Variants in GABRR2 observed in about 807,000 individuals in gnomAD.
The protein encoded by GABRR2 is gamma-aminobutyric acid receptor subunit rho-2.
GABRR2 carries 36 observed loss-of-function variants against 47.0 expected under a neutral mutation model. The ratio of observed to expected loss-of-function variants is 0.77; its 90% CI spans 0.59 to 1.01. The LOEUF is 1.01. Among genes scored for constraint, GABRR2 ranks in the 50% least tolerant of loss-of-function variants. GABRR2 has a pLI of 0.00. For synonymous variants in GABRR2, 204 were observed against 227.5 expected (o/e 0.90, Z 0.93); for missense variants, 587 against 594.6 (o/e 0.99, Z 0.13).
In GABRR2 at chr6:89,260,919, T is replaced by C. The variant is rs189924126; in HGVS notation, c.1087-2938A>G. 2.3e-3 allele frequency among the ~76,000 whole-genome samples: 345 copies of C among 152,350 alleles called. 1 individual carries two copies. Among genetic ancestry groups the C allele is most frequent in the Non-Finnish European group, 3.7e-3 (255 of 68,026 alleles). ...CAGATGGTGCCTTCTCACCTCTGTC[T>C]GCTCTCCAGCAACTATGCTTCTTGG... On this transcript the variant is annotated intron_variant, in intron 8 of 8. Transcript: ENST00000402938.
At chr6:89,282,308 C>T (rs1774265546) in intron 2 of GABRR2, among the ~76,000 whole-genome samples, 1 of 152,196 alleles carries the variant, frequency 6.6e-6, no homozygotes, top group South Asian at 2.1e-4. Context: ...TCTTCTTCCC[C>T]TACAGCTCCC....
chr6:89,312,774 C>T (rs901037344), intron 1 of GABRR2, among the ~76,000 whole-genome samples: 18 of 152,212 alleles, frequency 1.2e-4, no homozygotes, highest in African/African-American at 4.3e-4. Context: ...TGCAGAAAGG[C>T]CCAGAACCAC....
At chr6:89,309,932 C>T (rs1767651675) in intron 1 of GABRR2, among the ~76,000 whole-genome samples, 1 of 150,432 alleles carries the variant, frequency 6.6e-6, no homozygotes, top group East Asian at 2.0e-4. Context: ...GCACATGCCA[C>T]CGTGCCTGGC....
chr6:89,280,247 T>TATATATATATATATAC (rs1271132149), intron 2 of GABRR2, among the ~76,000 whole-genome samples: 230 of 101,120 alleles, frequency 2.3e-3, no homozygotes, highest in Middle Eastern at 5.7e-3. Context: ...TATATATATA[T>TATATATATATATATAC]ATATATACAT....
chr6:89,300,734 A>G (rs1240544664), intron 1 of GABRR2, among the ~76,000 whole-genome samples: 1 of 119,696 alleles, frequency 8.4e-6, no homozygotes, highest in African/African-American at 3.1e-5. Flanking sequence ...AATAATAAAT[A>G]GCGTACCAAC....
At position 89,254,713 on chromosome 6, in the gene GABRR2, T is replaced by A. The variant is rs1402705427; in HGVS notation, c.*2957A>T. Among the ~76,000 whole-genome samples the A allele has an allele frequency of 6.6e-6, 1 of 152,208 alleles. No homozygotes were observed. The highest frequency in any genetic ancestry group is 1.5e-5 in the Non-Finnish European group (1 of 68,036). On this transcript the variant is annotated 3_prime_UTR_variant, in exon 9 of 9. Coordinates refer to ENST00000402938, the MANE Select transcript of GABRR2 (RefSeq NM_002043.5). ...TCTGTCTTCCTGCCTCCAGGGTGAA[T>A]CATCCCATGTTCTCACTATTTCCTT...
At chr6:89,267,876 G>A in intron 5 of GABRR2, 57 bp from the exon 6 acceptor site, 1 of 1,600,866 alleles carries the variant, frequency 6.2e-7, no homozygotes, top group Non-Finnish European at 8.5e-7. Context: ...GCAGGGTGAA[G>A]TAACAGGGAA....
intron 3 of GABRR2, 153 bp from the exon 4 acceptor site, chr6:89,269,387 G>A: frequency 1.6e-6 from 1 of 642,640 alleles, no homozygotes. Flanking sequence ...ATGGCACTGT[G>A]CAGTTGGAAA....
intron 2 of GABRR2, among the ~76,000 whole-genome samples, chr6:89,280,082 T>C (rs1028201217): frequency 6.6e-6 from 1 of 151,838 alleles, no homozygotes; most frequent in Non-Finnish European, 1.5e-5. Context: ...TGGGGGCTCA[T>C]GCCTGTAATC....
chr6:89,313,302 T>A (rs79488521), intron 1 of GABRR2, among the ~76,000 whole-genome samples: 8,497 of 152,278 alleles, frequency 0.056, 609 homozygotes, highest in East Asian at 0.36. Flanking sequence ...CCCTGCATAA[T>A]TTATCCCTCT....
intron 1 of GABRR2, among the ~76,000 whole-genome samples, chr6:89,308,308 C>T (rs1307041663): frequency 6.6e-6 from 1 of 152,084 alleles, no homozygotes; most frequent in East Asian, 1.9e-4. Context: ...ATAAAGTGGC[C>T]ACTAGACACA....
chr6:89,286,947 T>C (rs1370121143), intron 2 of GABRR2, among the ~76,000 whole-genome samples: 1 of 152,156 alleles, frequency 6.6e-6, no homozygotes, highest in Non-Finnish European at 1.5e-5. Flanking sequence ...CCAGCTCCTG[T>C]ACCCCATCCC....
intron 2 of GABRR2, among the ~76,000 whole-genome samples, chr6:89,298,306 C>T (rs3777519): frequency 0.21 from 31,855 of 152,120 alleles, 3,984 homozygotes; most frequent in East Asian, 0.37. Context: ...AATCCCTTAA[C>T]AGTCACACAA....
In GABRR2 at chr6:89,257,087, A is replaced by T. The variant is rs1301894158; in HGVS notation, c.*583T>A. ...GGCACAGAGTGGGACCTCAATATTT[A>T]ATGAATGGTTGAATGGATGGATAAA... On this transcript the variant is annotated 3_prime_UTR_variant, in exon 9 of 9. Transcript: ENST00000402938. The T allele has an allele frequency of 6.5e-6, 1 of 152,868 alleles. No homozygotes were observed. Among genetic ancestry groups the T allele is most frequent in the Admixed American group, 6.5e-5 (1 of 15,402 alleles). The allele number at this position is 152,868 out of a possible 1,614,324, so 9.5% of individuals were successfully genotyped here.
At chr6:89,311,439 C>G (rs1562395905) in intron 1 of GABRR2, among the ~76,000 whole-genome samples, 1 of 152,138 alleles carries the variant, frequency 6.6e-6, no homozygotes, top group Non-Finnish European at 1.5e-5. Context: ...GAGCCTTGGG[C>G]TATTTGTATG....
intron 8 of GABRR2, among the ~76,000 whole-genome samples, chr6:89,260,393 C>T (rs1773719448): frequency 6.6e-6 from 1 of 152,050 alleles, no homozygotes; most frequent in African/African-American, 2.4e-5. Context: ...CAGGAAATAC[C>T]AAAAATTAGG....
rs75380526 is a variant in GABRR2, at chr6:89,300,164, A to G, written c.114-299T>C. On this transcript the variant is annotated intron_variant, in intron 1 of 8. Coordinates refer to ENST00000402938, the MANE Select transcript of GABRR2 (RefSeq NM_002043.5). Reference sequence around the variant, plus strand: ...GATGAAAATGGTTGGATTGGCTGCTAGCTAGACTAATAAAGAAGAAAAGGG... The same window carrying G: ...GATGAAAATGGTTGGATTGGCTGCTGGCTAGACTAATAAAGAAGAAAAGGG... Among the ~76,000 whole-genome samples, 1,413 of 152,338 alleles carry G rather than the reference A, an allele frequency of 9.3e-3. 10 individuals carry two copies. The highest frequency in any genetic ancestry group is 0.016 in the East Asian group (85 of 5,186).
intron 2 of GABRR2, among the ~76,000 whole-genome samples, chr6:89,282,852 G>A (rs565822416): frequency 6.6e-6 from 1 of 152,296 alleles, no homozygotes; most frequent in East Asian, 1.9e-4. Context: ...CACTTCCCCA[G>A]CCCCTCCCAG....
intron 2 of GABRR2, among the ~76,000 whole-genome samples, chr6:89,278,630 T>A (rs1376086788): frequency 6.6e-6 from 1 of 152,218 alleles, no homozygotes; most frequent in African/African-American, 2.4e-5. Context: ...GGTAAGGTTG[T>A]GGGGTCCCCA....
Sources: gnomAD v4.1 joint callset for allele counts (sites outside exome capture counted in the v4.1 genomes callset) on GRCh38, gnomAD v4.1.1 for gene constraint, MANE v1.5 for transcripts, NCBI Gene and HGNC (gene_info 2026-07-23, HGNC 2026-07-21) for gene names.